Variants in PLEKHA6 observed in about 807,000 individuals in gnomAD.
PLEKHA6 encodes the protein pleckstrin homology domain containing A6.
Under a neutral mutation model 116.7 loss-of-function variants are expected in PLEKHA6, and 60 were observed. The observed-to-expected ratio is 0.51, with a 90% CI of 0.42 to 0.64. PLEKHA6 has a LOEUF of 0.64. PLEKHA6 is among the 30% of genes least tolerant of loss of function. The pLI is 0.00. For synonymous variants in PLEKHA6, 489 were observed against 556.1 expected, an observed-to-expected ratio of 0.88 and a Z score of 1.70; for missense variants, 1,338 against 1,422.7, an observed-to-expected ratio of 0.94 and a Z score of 0.96.
chr1:204,355,606 A>ATTTTTTTTTTTGTTTTGTTTTTTTTTTT (rs1164292986), intron 1 of PLEKHA6, among the ~76,000 whole-genome samples: 3 of 151,864 alleles, frequency 2.0e-5, no homozygotes, highest in Admixed American at 6.6e-5. Flanking sequence ...CACTTAGCTA[A>ATTTTTTTTTTTGTTTTGTTTTTTTTTTT]TTTTTATATT....
At position 204,221,384 on chromosome 1, in the gene PLEKHA6, A is replaced by G. The variant is rs1659620547; in HGVS notation, c.*1404T>C. 2.6e-5 allele frequency: 4 copies of G among 152,754 alleles called. No homozygotes were observed. The South Asian group carries it at 8.3e-4, about 32-fold the overall frequency. The allele number at this position is 152,754 out of a possible 1,614,324, so 9.5% of individuals were successfully genotyped here. A position where few individuals can be genotyped will look rare whatever the true frequency, so the allele number is the denominator to read the frequency against. On this transcript the variant is annotated 3_prime_UTR_variant, in exon 23 of 23. Transcript: ENST00000272203. Reference sequence around the variant, plus strand: ...AAGGCCGAGGGGCCACGGTGTCTTCAGTTTCCCTCCTTCCTCCTCTCTGGC... The same window carrying G: ...AAGGCCGAGGGGCCACGGTGTCTTCGGTTTCCCTCCTTCCTCCTCTCTGGC...
At chr1:204,286,400 AGGAATAGAGTACTCTG>A (rs1231426631) in intron 1 of PLEKHA6, among the ~76,000 whole-genome samples, 2 of 151,942 alleles carry the variant, frequency 1.3e-5, no homozygotes, top group Non-Finnish European at 2.9e-5. Flanking sequence ...TGTGACAAGG[AGGAATAGAGTACTCTG>A]GGAGGGGAAC....
chr1:204,344,581 C>A (rs12047622), intron 1 of PLEKHA6, among the ~76,000 whole-genome samples: 32,304 of 136,414 alleles, frequency 0.24, 3,697 homozygotes, highest in Non-Finnish European at 0.25. Context: ...GCCTGGGTGA[C>A]AGAGTGAGAC....
At chr1:204,318,974 A>G (rs768407652) in intron 1 of PLEKHA6, among the ~76,000 whole-genome samples, 5 of 152,182 alleles carry the variant, frequency 3.3e-5, no homozygotes, top group African/African-American at 1.2e-4. Flanking sequence ...AAAATCAGGT[A>G]ATCTCCATCT....
chr1:204,323,129 G>A (rs1672124225), intron 1 of PLEKHA6, among the ~76,000 whole-genome samples: 2 of 152,198 alleles, frequency 1.3e-5, no homozygotes, highest in Non-Finnish European at 2.9e-5. Context: ...TCTACTATGT[G>A]CCACAGCACA....
intron 1 of PLEKHA6, among the ~76,000 whole-genome samples, chr1:204,318,387 G>A (rs1267278378): frequency 6.6e-6 from 1 of 152,216 alleles, no homozygotes; most frequent in Non-Finnish European, 1.5e-5. Flanking sequence ...GAGAAGTTAA[G>A]TTGCCACACA....
At chr1:204,309,106 G>A in intron 1 of PLEKHA6, 4 of 940,412 alleles carry the variant, frequency 4.3e-6, no homozygotes, top group Non-Finnish European at 5.1e-6. Context: ...ACTTTGTACA[G>A]TGCTCAGCAT....
At chr1:204,361,284 G>A (rs1193420465), upstream of PLEKHA6, among the ~76,000 whole-genome samples, 1 of 152,200 alleles carries the variant, frequency 6.6e-6, no homozygotes, top group Non-Finnish European at 1.5e-5. Flanking sequence ...TGTGATCTGA[G>A]TACATATATC....
chr1:204,366,549 C>A (rs899770544), intron 3 of PLEKHA6, among the ~76,000 whole-genome samples: 1 of 152,140 alleles, frequency 6.6e-6, no homozygotes, highest in African/African-American at 2.4e-5. Flanking sequence ...TCCCTGGAGG[C>A]CAGGTGTTCG....
In PLEKHA6 at chr1:204,244,596, T is replaced by G. The variant is rs564829033; in HGVS notation, c.2172+268A>C. 1.1e-4 allele frequency among the ~76,000 whole-genome samples: 17 copies of G among 152,332 alleles called. 1 individual carries two copies. In the South Asian group the frequency reaches 3.5e-3, roughly 32 times the overall value. On this transcript the variant is annotated intron_variant, in intron 15 of 22. Coordinates refer to ENST00000272203, the MANE Select transcript of PLEKHA6 (RefSeq NM_014935.5). ...TAGATTTAAATTCTTGTGAAATGCATGCTGTCTGCTATCCATCCTGGTGCC... is the reference window on the plus strand; with the variant it reads ...TAGATTTAAATTCTTGTGAAATGCAGGCTGTCTGCTATCCATCCTGGTGCC...
Position 204,230,453 on chromosome 1 carries a change from C to A in PLEKHA6, c.2543G>T (p.Ser848Ile). ...EKRRSLQLPA[S>I]PAPDPSPRPA... is the part of the protein sequence containing the mutation. Reference sequence around the variant, plus strand: ...CCGGGGACTGGGGTCGGGGGCCGGGCTGGCCGGGAGCTGCAGGCTCCTCCG... The same window carrying A: ...CCGGGGACTGGGGTCGGGGGCCGGGATGGCCGGGAGCTGCAGGCTCCTCCG... Residue 848 changes from serine to isoleucine, a missense_variant, in exon 18 of 23, where the codon AGC becomes ATC. By Grantham distance (142) the Ser-to-Ile change is moderately radical. Transcript: ENST00000272203. 1 of 1,583,468 alleles carries A rather than the reference C, an allele frequency of 6.3e-7. No individual in the cohort carries two copies. Among genetic ancestry groups the A allele is most frequent in the Non-Finnish European group, 8.6e-7 (1 of 1,164,946 alleles).
intron 1 of PLEKHA6, among the ~76,000 whole-genome samples, chr1:204,350,702 G>A (rs1013028883): frequency 6.6e-6 from 1 of 152,220 alleles, no homozygotes; most frequent in African/African-American, 2.4e-5. Flanking sequence ...TGGGAGATGG[G>A]GGCGGGGGGA....
At chr1:204,255,228 A>G (rs544448989) in intron 9 of PLEKHA6, among the ~76,000 whole-genome samples, 2 of 152,216 alleles carry the variant, frequency 1.3e-5, no homozygotes, top group Admixed American at 1.3e-4. Context: ...TGATAAGATG[A>G]TTTCCCAGAT....
intron 15 of PLEKHA6, chr1:204,243,046 GC>G (rs1178482642): frequency 1.0e-5 from 4 of 399,078 alleles, no homozygotes; most frequent in African/African-American, 8.2e-5. Flanking sequence ...GCCCTGCCTT[GC>G]CCCTTGGCCT....
intron 1 of PLEKHA6, chr1:204,325,834 T>A: frequency 1.2e-6 from 1 of 868,894 alleles, no homozygotes; most frequent in Non-Finnish European, 1.4e-6. Flanking sequence ...TGCAGAGATC[T>A]CAGGGCCCAG....
intron 3 of PLEKHA6, among the ~76,000 whole-genome samples, chr1:204,272,304 A>T (rs1212588352): frequency 6.6e-6 from 1 of 151,448 alleles, no homozygotes; most frequent in East Asian, 1.9e-4. Context: ...TCTGCATCTG[A>T]CTCCCTCTGT....
At chr1:204,265,961 G>A (rs1017068430) in intron 5 of PLEKHA6, among the ~76,000 whole-genome samples, 1 of 152,192 alleles carries the variant, frequency 6.6e-6, no homozygotes, top group East Asian at 1.9e-4. Context: ...TGGGACAGTG[G>A]GGGGGACAAT....
chr1:204,230,592 G>T lies in PLEKHA6; in HGVS notation c.2410-6C>A. The T allele has an allele frequency of 6.3e-7, 1 of 1,595,414 alleles. No homozygotes were observed. The highest frequency in any genetic ancestry group is 2.3e-5 in the East Asian group (1 of 44,258). On this transcript the variant is annotated splice_region_variant and splice_polypyrimidine_tract_variant and intron_variant, in intron 17 of 22. Coordinates refer to ENST00000272203, the MANE Select transcript of PLEKHA6 (RefSeq NM_014935.5). Reference sequence around the variant, plus strand: ...ACAGCACTCTTGGGGCGTTCCTGCTGCCATGGGAAAACAGGGCTCTGACAA... The same window carrying T: ...ACAGCACTCTTGGGGCGTTCCTGCTTCCATGGGAAAACAGGGCTCTGACAA...
intron 3 of PLEKHA6, among the ~76,000 whole-genome samples, chr1:204,273,192 C>G (rs1383699199): frequency 6.6e-6 from 1 of 152,180 alleles, no homozygotes; most frequent in Non-Finnish European, 1.5e-5. Context: ...CGTGACTATC[C>G]TTCAAGACCA....
Sources: gnomAD v4.1 joint callset for allele counts (sites outside exome capture counted in the v4.1 genomes callset) on GRCh38, gnomAD v4.1.1 for gene constraint, MANE v1.5 for transcripts, NCBI Gene and HGNC (gene_info 2026-07-23, HGNC 2026-07-21) for gene names.